Variants in CEP152 observed in about 807,000 individuals in gnomAD.
CEP152 encodes the protein centrosomal protein of 152 kDa.
CEP152 carries 132 observed loss-of-function variants against 188.9 expected under a neutral mutation model. The observed-to-expected ratio is 0.70, with a 90% CI of 0.61 to 0.81. The LOEUF (loss-of-function observed/expected upper bound fraction) is 0.81, where lower values mean the gene tolerates loss of function less well. CEP152 is among the 30% of genes least tolerant of loss of function. The pLI is 0.00. For synonymous variants in CEP152, 649 were observed against 666.6 expected (o/e 0.97, Z 0.41); for missense variants, 1,914 against 1,969.8 (o/e 0.97, Z 0.54).
intron 9 of CEP152, among the ~76,000 whole-genome samples, chr15:48,785,330 T>C (rs1896552915): frequency 6.6e-6 from 1 of 152,230 alleles, no homozygotes; most frequent in Non-Finnish European, 1.5e-5. Flanking sequence ...TACTAAATTT[T>C]TGAGCAAAAT....
At chr15:48,777,360 C>A (rs931273775) in intron 12 of CEP152, among the ~76,000 whole-genome samples, 1 of 151,702 alleles carries the variant, frequency 6.6e-6, no homozygotes. Context: ...AAAACTGTTC[C>A]AAAAATATAT....
chr15:48,742,202 A>C lies in CEP152; in HGVS notation c.3836-102T>G, dbSNP rs1389374815. 5.9e-6 allele frequency: 6 copies of C among 1,022,648 alleles called. No individual in the cohort carries two copies. The East Asian group carries it at 9.5e-5, about 16-fold the overall frequency. The allele number at this position is 1,022,648 out of a possible 1,614,324, so 63.3% of individuals were successfully genotyped here. On this transcript the variant is annotated intron_variant, in intron 24 of 26. Transcript: ENST00000380950. ...GATCAATTTTCTGGTAGATGAAGTG[A>C]TTTTAAGTATAGTTTAAACATTATA... is the stretch of plus-strand genomic sequence containing the variant.
chr15:48,790,617 A>T (rs1896934748), intron 8 of CEP152, among the ~76,000 whole-genome samples: 1 of 152,048 alleles, frequency 6.6e-6, no homozygotes, highest in Non-Finnish European at 1.5e-5. Context: ...CCCAGGCTGG[A>T]GTGCAATGGA....
chr15:48,756,581 A>G (rs371758334), intron 19 of CEP152, 28 bp from the exon 20 acceptor site: 2 of 1,598,612 alleles, frequency 1.3e-6, no homozygotes, highest in Non-Finnish European at 1.7e-6. Context: ...ATGCATTTTG[A>G]AAGTCTTTAT....
intron 1 of CEP152, 48 bp from the exon 2 acceptor site, chr15:48,805,704 C>T: frequency 6.2e-6 from 10 of 1,610,940 alleles, no homozygotes; most frequent in Non-Finnish European, 7.6e-6. Context: ...CATAAAATCT[C>T]CCCAGGACAA....
At chr15:48,781,987 T>C in intron 11 of CEP152, 152 bp downstream of exon 11, 1 of 703,070 alleles carries the variant, frequency 1.4e-6, no homozygotes, top group Non-Finnish European at 2.5e-6. Flanking sequence ...ACTTGCCAAC[T>C]GTGTGAAGGA....
intron 14 of CEP152, among the ~76,000 whole-genome samples, 162 bp from the exon 15 acceptor site, chr15:48,768,490 C>G (rs1307484522): frequency 1.3e-5 from 2 of 152,138 alleles, no homozygotes; most frequent in Non-Finnish European, 2.9e-5. Flanking sequence ...TCTCTTCACG[C>G]TTTGATAAGA....
intron 19 of CEP152, among the ~76,000 whole-genome samples, chr15:48,759,841 T>C (rs1255259731): frequency 6.6e-6 from 1 of 152,192 alleles, no homozygotes; most frequent in African/African-American, 2.4e-5. Context: ...GGATACTGTA[T>C]AGCTAATAAT....
intron 21 of CEP152, among the ~76,000 whole-genome samples, chr15:48,751,618 GA>G (rs1034960758): frequency 6.6e-6 from 1 of 152,218 alleles, no homozygotes; most frequent in Non-Finnish European, 1.5e-5. Flanking sequence ...GGTTACATTA[GA>G]AACAGCAAAT....
At chr15:48,787,166 T>TTTTG (rs1437518749) in intron 9 of CEP152, among the ~76,000 whole-genome samples, 1 of 105,396 alleles carries the variant, frequency 9.5e-6, no homozygotes, top group Non-Finnish European at 1.8e-5. Flanking sequence ...AGCCTTCGTT[T>TTTTG]TTTTTTTTTT....
At chr15:48,776,801 T>C (rs1283085408) in intron 12 of CEP152, among the ~76,000 whole-genome samples, 1 of 152,048 alleles carries the variant, frequency 6.6e-6, no homozygotes, top group African/African-American at 2.4e-5. Flanking sequence ...ATAAAAGTGG[T>C]TTTCTTCATG....
At chr15:48,742,562 T>C (rs1027345530) in intron 24 of CEP152, among the ~76,000 whole-genome samples, 3 of 152,204 alleles carry the variant, frequency 2.0e-5, no homozygotes, top group African/African-American at 4.8e-5. Context: ...CTCATTCTTC[T>C]CTAGTGCTCT....
At chr15:48,732,467 AAG>A (rs1892454534) in intron 2 of CEP152, among the ~76,000 whole-genome samples, 3 of 152,044 alleles carry the variant, frequency 2.0e-5, no homozygotes, top group Non-Finnish European at 4.4e-5. Context: ...TCTCACTCAT[AAG>A]TGAGTGAGAA....
chr15:48,782,377 G>C, intron 10 of CEP152, 147 bp from the exon 11 acceptor site: 1 of 704,040 alleles, frequency 1.4e-6, no homozygotes, highest in Admixed American at 2.1e-5. Context: ...AGAGCCCATG[G>C]GACCCAGAAG....
In CEP152 at chr15:48,744,886, A is replaced by G; in HGVS notation, c.3731+10T>C. 6.3e-7 allele frequency: 1 copy of G among 1,599,950 alleles called. No individual in the cohort carries two copies. The highest frequency in any genetic ancestry group is 1.3e-5 in the African/African-American group (1 of 74,418). On this transcript the variant is annotated intron_variant, in intron 23 of 26. Transcript: ENST00000380950. ...CTTTAAAATAGCACTTTAAAATAGT[A>G]AAAGTATACCTTGGTGGTGTTTTAC...
chr15:48,797,393 A>G lies in CEP152; in HGVS notation c.448T>C (p.Phe150Leu). The G allele has an allele frequency of 6.2e-7, 1 of 1,614,136 alleles. No individual in the cohort carries two copies. Among genetic ancestry groups the G allele is most frequent in the East Asian group, 2.2e-5 (1 of 44,874 alleles). Residue 150 changes from phenylalanine (F) to leucine (L), a missense_variant, in exon 5 of 27, where the codon TTT becomes CTT. Coordinates refer to ENST00000380950, the MANE Select transcript of CEP152 (RefSeq NM_001194998.2). Reference sequence around the variant, plus strand: ...TTCTGACCATTGGTATATGGCCTAAAGTTTTCAGGAAGGTGATATAAATCA... The same window carrying G: ...TTCTGACCATTGGTATATGGCCTAAGGTTTTCAGGAAGGTGATATAAATCA... ...QTDLYHLPEN[F>L]RPYTNGQKQE...
chr15:48,783,945 G>A (rs1489932779), intron 10 of CEP152, 28 bp downstream of exon 10: 1 of 1,612,910 alleles, frequency 6.2e-7, no homozygotes, highest in Non-Finnish European at 8.5e-7. Flanking sequence ...AACCTTCTGG[G>A]GAGACAGTGG....
At chr15:48,742,573 G>A (rs1432668817) in intron 24 of CEP152, among the ~76,000 whole-genome samples, 1 of 152,112 alleles carries the variant, frequency 6.6e-6, no homozygotes. Context: ...CTAGTGCTCT[G>A]AAAATTTACG....
chr15:48,762,583 A>T lies in CEP152; in HGVS notation c.2370T>A (p.Asp790Glu). 4.3e-6 allele frequency: 7 copies of T among 1,614,064 alleles called. No individual in the cohort carries two copies. Among genetic ancestry groups the T allele is most frequent in the Non-Finnish European group, 5.9e-6 (7 of 1,180,002 alleles). ...TTACTTGGTCAGTTTGGCTGCCACA[A>T]TCTAAGGTCTTCTTTTTCATTGCCT... ...TIKAMKKKTL[D>E]CGSQTDQVTT... Residue 790 changes from aspartate to glutamate, a missense_variant, in exon 18 of 27, where the codon GAT (aspartate) becomes GAA (glutamate). Physicochemically the swap from Asp to Glu is conservative, Grantham distance 45. Transcript: ENST00000380950.
Sources: gnomAD v4.1 joint callset for allele counts (sites outside exome capture counted in the v4.1 genomes callset) on GRCh38, gnomAD v4.1.1 for gene constraint, MANE v1.5 for transcripts, NCBI Gene and HGNC (gene_info 2026-07-23, HGNC 2026-07-21) for gene names.